Variants in POLI observed in about 807,000 individuals in gnomAD.
The protein encoded by POLI is RAD30 homolog B.
In POLI, 58 loss-of-function variants were observed where a neutral mutation model predicts 51.6. The observed-to-expected ratio is 1.12, with a 90% CI of 0.91 to 1.40. POLI has a LOEUF of 1.40. Ranked by LOEUF, POLI falls within the 40% of genes most tolerant of loss-of-function variation. POLI has a pLI of 0.00. For missense variants in POLI, 921 were observed against 871.3 expected (o/e 1.06, Z -0.72); for synonymous variants, 322 against 299.7 (o/e 1.07, Z -0.77).
intron 7 of POLI, among the ~76,000 whole-genome samples, chr18:54,286,297 G>T (rs1599211304): frequency 6.6e-6 from 1 of 152,100 alleles, no homozygotes; most frequent in East Asian, 1.9e-4. Context: ...ATCCTTTAAT[G>T]ACATTTTTTC....
At chr18:54,319,248 C>T (rs553624738) in intron 3 of POLI, among the ~76,000 whole-genome samples, 4 of 152,192 alleles carry the variant, frequency 2.6e-5, no homozygotes, top group East Asian at 1.9e-4. Context: ...CATTTATGTC[C>T]TCTATAAATC....
intron 8 of POLI, among the ~76,000 whole-genome samples, chr18:54,288,194 G>T (rs2087833488): frequency 6.6e-6 from 1 of 152,108 alleles, no homozygotes; most frequent in Admixed American, 6.6e-5. Context: ...GCCAATATTT[G>T]TATTATCAGT....
At chr18:54,276,869 A>G (rs982945392) in intron 3 of POLI, among the ~76,000 whole-genome samples, 1 of 152,242 alleles carries the variant, frequency 6.6e-6, no homozygotes, top group Non-Finnish European at 1.5e-5. Context: ...GCTTCAGATT[A>G]TATGACCTTA....
chr18:54,311,680 T>C (rs185498814), intron 3 of POLI, among the ~76,000 whole-genome samples: 96 of 152,292 alleles, frequency 6.3e-4, no homozygotes, highest in African/African-American at 2.3e-3. Flanking sequence ...TGAAAAAAAC[T>C]TGGGAGGTAC....
chr18:54,278,492 A>C (rs1599176128), intron 4 of POLI, among the ~76,000 whole-genome samples: 1 of 152,154 alleles, frequency 6.6e-6, no homozygotes, highest in East Asian at 1.9e-4. Context: ...TTACATGTTC[A>C]CTTCGATTCC....
chr18:54,295,852 T>A lies in POLI; in HGVS notation c.*1385T>A. On this transcript the variant is annotated 3_prime_UTR_variant, in exon 10 of 10. Coordinates refer to ENST00000579534, the MANE Select transcript of POLI (RefSeq NM_007195.3). ...CATATTGGCCAGGCTGGTCTCGAACTCCTGGTCTCAGGTGATCCTCCACCT... is the reference window on the plus strand; with the variant it reads ...CATATTGGCCAGGCTGGTCTCGAACACCTGGTCTCAGGTGATCCTCCACCT... 1 of 496,764 alleles carries A rather than the reference T, an allele frequency of 2.0e-6. No individual in the cohort carries two copies. Among genetic ancestry groups the A allele is most frequent in the Non-Finnish European group, 2.6e-6 (1 of 383,526 alleles). The allele number at this position is 496,764 out of a possible 1,614,324, so 30.8% of individuals were successfully genotyped here. A position where few individuals can be genotyped will look rare whatever the true frequency, so the allele number is the denominator to read the frequency against.
intron 8 of POLI, 191 bp from the exon 9 acceptor site, chr18:54,291,642 C>T: frequency 2.5e-6 from 1 of 401,304 alleles, no homozygotes. Flanking sequence ...GTAGTATAAC[C>T]AGAAATCCCA....
chr18:54,295,427 G>GTAT lies in POLI; in HGVS notation c.*964_*966dup. 1.0e-6 allele frequency: 1 copy of GTAT among 971,266 alleles called. No individual in the cohort carries two copies. The allele number at this position is 971,266 out of a possible 1,614,324, so 60.2% of individuals were successfully genotyped here. ...AAAAATTGGATATAAGATTGAGAAT[G>GTAT]TATTATATAATTTGCAAGACATAGA... On this transcript the variant is annotated 3_prime_UTR_variant, in exon 10 of 10. Coordinates refer to ENST00000579534, the MANE Select transcript of POLI (RefSeq NM_007195.3).
At chr18:54,281,646 T>C (rs1249725638) in intron 5 of POLI, among the ~76,000 whole-genome samples, 1 of 152,152 alleles carries the variant, frequency 6.6e-6, no homozygotes, top group Non-Finnish European at 1.5e-5. Flanking sequence ...TGGATGACTT[T>C]GGTAGTGCAT....
intron 8 of POLI, among the ~76,000 whole-genome samples, chr18:54,290,921 A>G (rs2087980674): frequency 6.6e-6 from 1 of 152,208 alleles, no homozygotes; most frequent in African/African-American, 2.4e-5. Context: ...GTACATGTAT[A>G]CCTATGTAAC....
At position 54,296,186 on chromosome 18, in the gene POLI, T is replaced by C; in HGVS notation, c.*1719T>C. The stretch of plus-strand genomic sequence containing the variant: ...AATCATTAAAACATTTTATAGTCCT[T>C]GTAATGATTTCAGGACCTTGGACAG... On this transcript the variant is annotated 3_prime_UTR_variant, in exon 10 of 10. Transcript: ENST00000579534. 1 of 984,650 alleles carries C rather than the reference T, an allele frequency of 1.0e-6. No individual in the cohort carries two copies. Among genetic ancestry groups the C allele is most frequent in the African/African-American group, 1.7e-5 (1 of 57,350 alleles). 61.0% of individuals were successfully genotyped at this position (984,650 alleles called of 1,614,324 possible).
intron 3 of POLI, among the ~76,000 whole-genome samples, chr18:54,317,178 A>G (rs2088744022): frequency 1.3e-5 from 2 of 152,208 alleles, no homozygotes; most frequent in Admixed American, 1.3e-4. Flanking sequence ...CCTTCTTATG[A>G]GAACATACAA....
Position 54,297,448 on chromosome 18 carries a change from G to C in POLI, c.*2981G>C. 1 of 981,022 alleles carries C rather than the reference G, an allele frequency of 1.0e-6. No homozygotes were observed. Among genetic ancestry groups the C allele is most frequent in the Non-Finnish European group, 1.2e-6 (1 of 826,222 alleles). 60.8% of individuals were successfully genotyped at this position (981,022 alleles called of 1,614,324 possible). ...GGTACAAACCAGCAATGAATTAAGA[G>C]GTCTCTTTTCTCCAAGATCTAGTGT... On this transcript the variant is annotated 3_prime_UTR_variant, in exon 10 of 10. Transcript: ENST00000579534.
intron 3 of POLI, among the ~76,000 whole-genome samples, chr18:54,317,422 G>A (rs777529022): frequency 6.6e-6 from 1 of 152,132 alleles, no homozygotes; most frequent in African/African-American, 2.4e-5. Context: ...GCACAATAAA[G>A]CAACTTCATT....
At position 54,271,415 on chromosome 18, in the gene POLI, T is replaced by C; in HGVS notation, c.171T>C (p.His57=). 1 of 1,611,702 alleles carries C rather than the reference T, an allele frequency of 6.2e-7. No homozygotes were observed. The highest frequency in any genetic ancestry group is 1.1e-5 in the South Asian group (1 of 90,998). Residue 57 remains histidine, a synonymous_variant, in exon 2 of 10, where the codon CAT becomes CAC. Transcript: ENST00000579534. ...TPNASSRVIV[H]VDLDCFYAQV... ...ATGCTTCATCCAGAGTCATAGTACATGTGGATCTGGATTGCTTTTATGCAC... is the reference window on the plus strand; with the variant it reads ...ATGCTTCATCCAGAGTCATAGTACACGTGGATCTGGATTGCTTTTATGCAC...
chr18:54,285,835 G>A (rs694498), intron 7 of POLI, among the ~76,000 whole-genome samples: 38,575 of 152,002 alleles, frequency 0.25, 5,109 homozygotes, highest in Middle Eastern at 0.3. Flanking sequence ...TCACAAAGCA[G>A]TAAGAGATAG....
In POLI at chr18:54,273,984, TAAG is replaced by T. The variant is rs772021771; in HGVS notation, c.303_305del (p.Lys102del). ...ACTATGAAGCTAGGAAACTTGGAGTTAAGAAACTTATGAATGTCAGAGATGCAA... is the reference window on the plus strand; with the variant it reads ...ACTATGAAGCTAGGAAACTTGGAGTTAAACTTATGAATGTCAGAGATGCAA... On this transcript the variant is annotated inframe_deletion, in exon 3 of 10. Transcript: ENST00000579534. 2.3e-5 allele frequency: 36 copies of T among 1,584,472 alleles called. No homozygotes were observed. Among genetic ancestry groups the T allele is most frequent in the Non-Finnish European group, 3.0e-5 (35 of 1,163,854 alleles).
chr18:54,319,850 C>T lies in POLI; in HGVS notation c.334-423C>T, dbSNP rs558810514. 1.5e-4 allele frequency among the ~76,000 whole-genome samples: 23 copies of T among 152,088 alleles called. No individual in the cohort carries two copies. In the South Asian group the frequency reaches 4.8e-3, roughly 32 times the overall value. On this transcript the variant is annotated intron_variant, in intron 3 of 4. Coordinates refer to the POLI transcript ENST00000579823. ...ATAGGAGACAAGTTAATTAAATATC[C>T]AATTTTCCTATTTGTAAGACAAAGA...
At chr18:54,306,522 G>A (rs575744220) in intron 3 of POLI, among the ~76,000 whole-genome samples, 99 of 143,978 alleles carry the variant, frequency 6.9e-4, no homozygotes, top group South Asian at 1.8e-3. Flanking sequence ...CAGGGATATT[G>A]GTCTAAAATT....
Sources: allele counts gnomAD v4.1 joint callset (sites outside exome capture counted in the v4.1 genomes callset), GRCh38; gene constraint gnomAD v4.1.1; transcripts MANE v1.5; gene names NCBI Gene and HGNC (gene_info 2026-07-23, HGNC 2026-07-21).